ARB2A: variants seen among roughly 807,000 people sequenced by gnomAD.
ARB2A encodes ARB2 cotranscriptional regulator A.
chr5:94,094,573 T>C, the ARB2A span, among the ~76,000 whole-genome samples: 1 of 152,224 alleles, frequency 6.6e-6, no homozygotes, highest in South Asian at 2.1e-4. Context: ...ATAGTCTTGA[T>C]ATTTTCCCCA....
the ARB2A span, among the ~76,000 whole-genome samples, chr5:93,831,744 C>T: frequency 6.6e-6 from 1 of 152,174 alleles, no homozygotes; most frequent in Non-Finnish European, 1.5e-5. Flanking sequence ...TAAGAACCAA[C>T]AGTTGTTTCT....
chr5:93,717,456 T>C, the ARB2A span, among the ~76,000 whole-genome samples: 6 of 151,784 alleles, frequency 4.0e-5, no homozygotes, highest in Non-Finnish European at 1.5e-5. Context: ...TTTTTTTTTT[T>C]TTTTAAAGTA....
the ARB2A span, among the ~76,000 whole-genome samples, chr5:93,672,408 C>T: frequency 6.6e-6 from 1 of 151,998 alleles, no homozygotes; most frequent in South Asian, 2.1e-4. Flanking sequence ...AGCCCTGGTT[C>T]AAGCGATTCT....
the ARB2A span, among the ~76,000 whole-genome samples, chr5:93,942,848 T>A: frequency 6.6e-6 from 1 of 152,158 alleles, no homozygotes; most frequent in Non-Finnish European, 1.5e-5. Context: ...TAGCTGTAGA[T>A]GTGTACATGT....
the ARB2A span, among the ~76,000 whole-genome samples, chr5:93,706,862 CAAA>C: frequency 7.8e-5 from 8 of 102,368 alleles, no homozygotes; most frequent in Non-Finnish European, 8.7e-5. Context: ...AAGATTCCGT[CAAA>C]AAAAAAAAAA....
At chr5:93,716,577 T>G in the ARB2A span, among the ~76,000 whole-genome samples, 3 of 151,830 alleles carry the variant, frequency 2.0e-5, no homozygotes, top group Non-Finnish European at 4.4e-5. Flanking sequence ...AAAAGTCAAA[T>G]CTTGCTATTT....
At chr5:93,682,133 A>T in the ARB2A span, among the ~76,000 whole-genome samples, 2 of 152,000 alleles carry the variant, frequency 1.3e-5, no homozygotes, top group African/African-American at 4.8e-5. Flanking sequence ...AATTAGGAGG[A>T]TGATTCAGTA....
At chr5:94,012,826 TCTC>T in the ARB2A span, among the ~76,000 whole-genome samples, 1 of 152,162 alleles carries the variant, frequency 6.6e-6, no homozygotes, top group Non-Finnish European at 1.5e-5. Flanking sequence ...GTATTGCAAA[TCTC>T]CTCACAAGGA....
chr5:94,054,165 T>A, the ARB2A span, among the ~76,000 whole-genome samples: 1 of 152,220 alleles, frequency 6.6e-6, no homozygotes, highest in Non-Finnish European at 1.5e-5. Context: ...TAACATTTTA[T>A]AACATCATGT....
the ARB2A span, among the ~76,000 whole-genome samples, chr5:93,748,123 T>C: frequency 6.6e-6 from 1 of 152,176 alleles, no homozygotes; most frequent in Non-Finnish European, 1.5e-5. Context: ...GACATGTAGA[T>C]GAAACATAAG....
At chr5:93,830,432 T>C in the ARB2A span, among the ~76,000 whole-genome samples, 1 of 148,820 alleles carries the variant, frequency 6.7e-6, no homozygotes, top group Admixed American at 6.7e-5. Context: ...TATGCCATGA[T>C]CCTGGCCTTT....
chr5:94,032,094 C>T, the ARB2A span, among the ~76,000 whole-genome samples: 2 of 152,158 alleles, frequency 1.3e-5, no homozygotes, highest in Non-Finnish European at 2.9e-5. Context: ...AACAGAGAAT[C>T]CCTAAAAGAA....
At chr5:93,842,352 G>C in the ARB2A span, among the ~76,000 whole-genome samples, 2 of 152,220 alleles carry the variant, frequency 1.3e-5, no homozygotes, top group South Asian at 4.1e-4. Flanking sequence ...GAGCAATTGG[G>C]ACAGAGTCAG....
the ARB2A span, among the ~76,000 whole-genome samples, chr5:94,003,472 GA>G: frequency 2.6e-5 from 4 of 151,666 alleles, no homozygotes; most frequent in African/African-American, 9.7e-5. Context: ...ATCTACCAAG[GA>G]AAAAAATAAA....
chr5:94,095,249 C>T, the ARB2A span, among the ~76,000 whole-genome samples: 3 of 152,294 alleles, frequency 2.0e-5, no homozygotes, highest in Middle Eastern at 6.8e-3. Flanking sequence ...ACAGCCAGCC[C>T]TGATCCTCAA....
At chr5:93,873,964 G>T in the ARB2A span, among the ~76,000 whole-genome samples, 1 of 152,130 alleles carries the variant, frequency 6.6e-6, no homozygotes, top group Non-Finnish European at 1.5e-5. Context: ...AAAGGCAAAG[G>T]GAATGTTTGC....
At chr5:93,953,093 A>G in the ARB2A span, among the ~76,000 whole-genome samples, 1 of 152,150 alleles carries the variant, frequency 6.6e-6, no homozygotes, top group Admixed American at 6.5e-5. Context: ...TAACATAGCT[A>G]TCTTGAATTC....
the ARB2A span, among the ~76,000 whole-genome samples, chr5:93,892,892 TA>T: frequency 6.6e-6 from 1 of 152,180 alleles, no homozygotes; most frequent in East Asian, 1.9e-4. Context: ...TTCCTCTGTC[TA>T]AAAACCCTGG....
At chr5:93,628,800 G>C in the ARB2A span, among the ~76,000 whole-genome samples, 2 of 152,340 alleles carry the variant, frequency 1.3e-5, no homozygotes, top group Admixed American at 6.5e-5. Context: ...TCTGGATTAA[G>C]CTCTGGCCTA....
Sources: gnomAD v4.1 joint callset for allele counts (sites outside exome capture counted in the v4.1 genomes callset) on GRCh38, gnomAD v4.1.1 for gene constraint, MANE v1.5 for transcripts, NCBI Gene and HGNC (gene_info 2026-07-23, HGNC 2026-07-21) for gene names.